The following CNTNAP5 variants were observed in gnomAD, a reference collection of about 807,000 sequenced individuals.
The protein encoded by CNTNAP5 is contactin-associated protein-like 5.
A neutral mutation model predicts 150.2 loss-of-function variants in CNTNAP5; 72 were observed. The ratio of observed to expected loss-of-function variants is 0.48; its 90% CI spans 0.40 to 0.58. CNTNAP5 has a LOEUF of 0.58. Ranked by LOEUF, CNTNAP5 falls within the 20% of genes least tolerant of loss-of-function variation. The probability of loss-of-function intolerance (pLI) is 0.00; values close to 1 mark genes in which losing one functional copy is unlikely to be tolerated. For synonymous variants in CNTNAP5, 672 were observed against 619.8 expected, an observed-to-expected ratio of 1.08 and a Z score of -1.25; for missense variants, 1,636 against 1,626.2, an observed-to-expected ratio of 1.01 and a Z score of -0.10.
intron 1 of CNTNAP5, among the ~76,000 whole-genome samples, chr2:124,089,273 A>ATTT (rs5834036): frequency 6.8e-6 from 1 of 147,396 alleles, no homozygotes; most frequent in African/African-American, 2.5e-5. Flanking sequence ...GACCCCACCT[A>ATTT]TTTTTTTTTT....
chr2:124,349,574 C>A (rs568231702), intron 3 of CNTNAP5, among the ~76,000 whole-genome samples: 74 of 152,236 alleles, frequency 4.9e-4, no homozygotes, highest in Non-Finnish European at 8.2e-4. Flanking sequence ...AAAGCACTAA[C>A]TCTTTGTCTA....
chr2:124,897,971 GTGTGTGTA>G (rs749532160), intron 21 of CNTNAP5, among the ~76,000 whole-genome samples: 4 of 146,330 alleles, frequency 2.7e-5, no homozygotes, highest in Non-Finnish European at 6.0e-5. Flanking sequence ...GTGTGTGTGT[GTGTGTGTA>G]TGTGTGTGTA....
In CNTNAP5 at chr2:124,747,212, A is replaced by G. The variant is rs774448627; in HGVS notation, c.2078-17A>G. 3.7e-6 allele frequency: 6 copies of G among 1,609,034 alleles called. No individual in the cohort carries two copies. In the African/African-American group the frequency reaches 4.0e-5, roughly 11 times the overall value. ...AGGCTTGCCCTACCCTGACTGGTGG[A>G]ATATCTTGTCTTCCAGATGGAACAC... On this transcript the variant is annotated splice_polypyrimidine_tract_variant and intron_variant, in intron 13 of 23. Transcript: ENST00000682447.
At position 124,229,313 on chromosome 2, in the gene CNTNAP5, T is replaced by C. The variant is rs117144906; in HGVS notation, c.187+7504T>C. ...ACACTTGGAAACAGCTGTTGGGCTG[T>C]AGGTATTGCTGTGCCCATCAAGGTC... is the stretch of plus-strand genomic sequence containing the variant. On this transcript the variant is annotated intron_variant, in intron 2 of 23. Coordinates refer to ENST00000682447, the MANE Select transcript of CNTNAP5 (RefSeq NM_001367498.1). Among the ~76,000 whole-genome samples, 13 of 152,238 alleles carry C rather than the reference T, an allele frequency of 8.5e-5. No individual in the cohort carries two copies. The East Asian group carries it at 2.5e-3, about 29-fold the overall frequency.
At chr2:124,568,750 T>C (rs1199687666) in intron 11 of CNTNAP5, among the ~76,000 whole-genome samples, 1 of 152,130 alleles carries the variant, frequency 6.6e-6, no homozygotes, top group African/African-American at 2.4e-5. Flanking sequence ...CATCTTTGTA[T>C]TTAAGTATTT....
At chr2:124,392,648 A>C (rs1691143445) in intron 3 of CNTNAP5, among the ~76,000 whole-genome samples, 1 of 148,048 alleles carries the variant, frequency 6.8e-6, no homozygotes, top group Non-Finnish European at 1.5e-5. Flanking sequence ...TGACATTTGA[A>C]TAAATCTGGT....
At chr2:124,062,045 C>G (rs540847415) in intron 1 of CNTNAP5, among the ~76,000 whole-genome samples, 4 of 123,380 alleles carry the variant, frequency 3.2e-5, no homozygotes, top group South Asian at 3.1e-4. Context: ...CCACAGCCTC[C>G]GAGAGGTCTT....
At chr2:124,086,643 C>T (rs1161148930) in intron 1 of CNTNAP5, among the ~76,000 whole-genome samples, 1 of 151,320 alleles carries the variant, frequency 6.6e-6, no homozygotes, top group Non-Finnish European at 1.5e-5. Context: ...TCTAAGTTTC[C>T]TTTGATTAAT....
rs142720881 is a variant in CNTNAP5 at position 124,505,307 on chromosome 2, G to A, written c.1327+751G>A. 2.0e-4 allele frequency among the ~76,000 whole-genome samples: 31 copies of A among 152,150 alleles called. 2 individuals are homozygous for A. In the East Asian group the frequency reaches 4.9e-3, roughly 24 times the overall value. Reference sequence around the variant, plus strand: ...CATGGCAATCACTTCAAAATTCCACGTTCCTAAGTGATGGAGCTGGGAATT... The same window carrying A: ...CATGGCAATCACTTCAAAATTCCACATTCCTAAGTGATGGAGCTGGGAATT... On this transcript the variant is annotated intron_variant, in intron 8 of 23. Coordinates refer to ENST00000682447, the MANE Select transcript of CNTNAP5 (RefSeq NM_001367498.1).
At chr2:124,288,875 A>G (rs1688217992) in intron 3 of CNTNAP5, among the ~76,000 whole-genome samples, 1 of 152,236 alleles carries the variant, frequency 6.6e-6, no homozygotes, top group African/African-American at 2.4e-5. Flanking sequence ...AAACTCAACC[A>G]ACTTTCCTTG....
At chr2:124,874,508 C>G (rs1677814450) in intron 21 of CNTNAP5, among the ~76,000 whole-genome samples, 1 of 151,954 alleles carries the variant, frequency 6.6e-6, no homozygotes, top group Admixed American at 6.6e-5. Context: ...GAAACTCTGC[C>G]TTTTTTGTTT....
intron 1 of CNTNAP5, among the ~76,000 whole-genome samples, chr2:124,183,311 CA>C (rs1306454652): frequency 6.6e-6 from 1 of 152,168 alleles, no homozygotes; most frequent in Non-Finnish European, 1.5e-5. Context: ...GTGTTAGCTC[CA>C]GAAGGGAATG....
At chr2:124,706,669 C>A (rs1679644144) in intron 13 of CNTNAP5, among the ~76,000 whole-genome samples, 1 of 151,192 alleles carries the variant, frequency 6.6e-6, no homozygotes, top group Non-Finnish European at 1.5e-5. Context: ...ATGACTTGAA[C>A]CTGGGAGGTG....
intron 11 of CNTNAP5, among the ~76,000 whole-genome samples, chr2:124,606,440 A>C (rs1328669764): frequency 1.3e-5 from 2 of 152,200 alleles, no homozygotes; most frequent in Non-Finnish European, 1.5e-5. Context: ...AAAATGAACT[A>C]AGAATGAAAA....
intron 3 of CNTNAP5, among the ~76,000 whole-genome samples, chr2:124,386,890 A>C (rs1000751017): frequency 1.2e-4 from 17 of 147,780 alleles, no homozygotes; most frequent in African/African-American, 4.3e-4. Context: ...TTTGAAAGGA[A>C]GGTCATTAAG....
intron 11 of CNTNAP5, among the ~76,000 whole-genome samples, chr2:124,601,601 TG>T (rs1397550072): frequency 6.6e-6 from 1 of 152,226 alleles, no homozygotes; most frequent in African/African-American, 2.4e-5. Flanking sequence ...TCAAAGGTAC[TG>T]TAATATGATT....
intron 10 of CNTNAP5, among the ~76,000 whole-genome samples, chr2:124,550,152 A>G (rs1410490270): frequency 6.6e-6 from 1 of 152,262 alleles, no homozygotes; most frequent in Non-Finnish European, 1.5e-5. Context: ...GACACATTTG[A>G]AAACGATACC....
intron 4 of CNTNAP5, among the ~76,000 whole-genome samples, chr2:124,429,245 GT>G (rs555460092): frequency 2.0e-5 from 3 of 151,446 alleles, no homozygotes; most frequent in Non-Finnish European, 4.4e-5. Context: ...AACTCATCCT[GT>G]TTTTTTTCAT....
At chr2:124,430,229 C>T (rs540330370) in intron 4 of CNTNAP5, among the ~76,000 whole-genome samples, 3 of 152,040 alleles carry the variant, frequency 2.0e-5, no homozygotes, top group African/African-American at 7.3e-5. Context: ...GTGGACTCAG[C>T]GTGGGTGGGT....
Sources: allele counts gnomAD v4.1 joint callset (sites outside exome capture counted in the v4.1 genomes callset), GRCh38; gene constraint gnomAD v4.1.1; transcripts MANE v1.5; gene names NCBI Gene and HGNC (gene_info 2026-07-23, HGNC 2026-07-21).